The following SUGCT variants were observed in gnomAD, a reference collection of about 807,000 sequenced individuals.
The protein encoded by SUGCT is succinyl-CoA:glutarate-CoA transferase, also known as succinyl-CoA:glutarate CoA-transferase.
Under a neutral mutation model 55.0 loss-of-function variants are expected in SUGCT, and 41 were observed. The observed-to-expected ratio is 0.74, with a 90% CI of 0.58 to 0.97. The LOEUF is 0.97. Among genes scored for constraint, SUGCT ranks in the 50% least tolerant of loss-of-function variants. The probability of loss-of-function intolerance (pLI) is 0.00; values close to 1 mark genes in which losing one functional copy is unlikely to be tolerated. For synonymous variants in SUGCT, 187 were observed against 200.4 expected (o/e 0.93, Z 0.56); for missense variants, 568 against 547.8 (o/e 1.04, Z -0.37).
chr7:40,332,961 C>T (rs1415155952), intron 9 of SUGCT, among the ~76,000 whole-genome samples: 2 of 152,174 alleles, frequency 1.3e-5, no homozygotes, highest in South Asian at 4.2e-4. Flanking sequence ...ATCATCCATC[C>T]ATCTAGACAG....
At chr7:40,650,993 A>G (rs959961743) in intron 12 of SUGCT, among the ~76,000 whole-genome samples, 2 of 152,120 alleles carry the variant, frequency 1.3e-5, no homozygotes, top group African/African-American at 4.8e-5. Context: ...ATCCTGCATT[A>G]GTTTGCTGAG....
At chr7:40,882,934 G>A in the SUGCT span, among the ~76,000 whole-genome samples, 20 of 152,138 alleles carry the variant, frequency 1.3e-4, no homozygotes, top group African/African-American at 4.1e-4. Context: ...CTGTTCCTTC[G>A]TTTAGCTTTG....
chr7:40,394,176 TA>T (rs1003055192), intron 9 of SUGCT, among the ~76,000 whole-genome samples: 2 of 151,414 alleles, frequency 1.3e-5, no homozygotes, highest in Non-Finnish European at 2.9e-5. Context: ...TTGTCGAACT[TA>T]AAAAAAAATA....
intron 1 of SUGCT, among the ~76,000 whole-genome samples, chr7:40,135,847 G>A (rs1350286000): frequency 2.0e-5 from 3 of 152,098 alleles, no homozygotes; most frequent in Admixed American, 6.6e-5. Context: ...AGTAGAGACG[G>A]GGTTTCGCCA....
chr7:40,487,449 G>T (rs1457768265), intron 11 of SUGCT, among the ~76,000 whole-genome samples: 2 of 151,484 alleles, frequency 1.3e-5, no homozygotes, highest in African/African-American at 4.9e-5. Context: ...GCTAATATAT[G>T]ATCTGTCCTG....
intron 8 of SUGCT, among the ~76,000 whole-genome samples, chr7:40,289,985 A>G (rs1793634341): frequency 6.6e-6 from 1 of 152,156 alleles, no homozygotes; most frequent in South Asian, 2.1e-4. Context: ...ACTACAAACC[A>G]CTGCTCAATG....
chr7:40,346,045 A>G (rs1797288102), intron 9 of SUGCT, among the ~76,000 whole-genome samples: 1 of 151,702 alleles, frequency 6.6e-6, no homozygotes, highest in African/African-American at 2.4e-5. Context: ...TCTGGTTTTC[A>G]TGTTAGTTTA....
At chr7:40,564,344 C>T (rs951408750) in intron 12 of SUGCT, among the ~76,000 whole-genome samples, 2 of 152,278 alleles carry the variant, frequency 1.3e-5, no homozygotes, top group Middle Eastern at 3.4e-3. Context: ...CCACTGCACT[C>T]CAGCCTGGGC....
At chr7:40,831,712 A>G (rs1792674676) in intron 13 of SUGCT, among the ~76,000 whole-genome samples, 1 of 152,236 alleles carries the variant, frequency 6.6e-6, no homozygotes, top group African/African-American at 2.4e-5. Flanking sequence ...GACTGTGAAC[A>G]CTAAGAACAC....
At chr7:40,479,906 A>G (rs1484385484) in intron 11 of SUGCT, among the ~76,000 whole-genome samples, 1 of 152,062 alleles carries the variant, frequency 6.6e-6, no homozygotes, top group Non-Finnish European at 1.5e-5. Flanking sequence ...AGTTCCTTAT[A>G]TATTTTGGAA....
chr7:40,879,649 C>A, the SUGCT span, among the ~76,000 whole-genome samples: 1 of 152,142 alleles, frequency 6.6e-6, no homozygotes, highest in Non-Finnish European at 1.5e-5. Flanking sequence ...CTTCATTTTG[C>A]ATATTTTTTT....
intron 10 of SUGCT, among the ~76,000 whole-genome samples, chr7:40,451,958 T>A (rs1789216165): frequency 6.6e-6 from 1 of 152,232 alleles, no homozygotes; most frequent in African/African-American, 2.4e-5. Flanking sequence ...TTTCGTCAAG[T>A]ACACTCCATC....
chr7:40,355,593 A>C (rs1797847899), intron 9 of SUGCT, among the ~76,000 whole-genome samples: 1 of 152,240 alleles, frequency 6.6e-6, no homozygotes, highest in Non-Finnish European at 1.5e-5. Flanking sequence ...ATATTTATGC[A>C]ATAAGAGAGG....
chr7:41,016,744 G>T, the SUGCT span, among the ~76,000 whole-genome samples: 1 of 152,032 alleles, frequency 6.6e-6, no homozygotes, highest in Non-Finnish European at 1.5e-5. Flanking sequence ...TCATTTCATT[G>T]TTCTCCTCCA....
chr7:40,202,290 A>T (rs1786655982), intron 6 of SUGCT, among the ~76,000 whole-genome samples: 1 of 152,142 alleles, frequency 6.6e-6, no homozygotes, highest in Non-Finnish European at 1.5e-5. Flanking sequence ...CGTTTAAAGT[A>T]TTAAAATGTT....
At chr7:40,958,269 T>G in the SUGCT span, among the ~76,000 whole-genome samples, 1 of 152,136 alleles carries the variant, frequency 6.6e-6, no homozygotes, top group Admixed American at 6.6e-5. Flanking sequence ...CCAGCTTAGT[T>G]TCATTCTCCC....
At chr7:40,329,485 T>G (rs1796193417) in intron 9 of SUGCT, among the ~76,000 whole-genome samples, 1 of 152,138 alleles carries the variant, frequency 6.6e-6, no homozygotes, top group African/African-American at 2.4e-5. Flanking sequence ...ATTATATTAA[T>G]AATTCATTTG....
intron 7 of SUGCT, among the ~76,000 whole-genome samples, chr7:40,270,073 T>C (rs1433420881): frequency 3.3e-5 from 5 of 150,144 alleles, no homozygotes; most frequent in Non-Finnish European, 7.4e-5. Flanking sequence ...GAGGTGGAGG[T>C]TGCAGTGAGC....
intron 12 of SUGCT, among the ~76,000 whole-genome samples, chr7:40,514,348 A>G (rs56026717): frequency 0.018 from 2,735 of 152,224 alleles, 86 homozygotes; most frequent in African/African-American, 0.061. Context: ...GCTAAGCACC[A>G]GGGGAAAAGA....
Sources: gnomAD v4.1 joint callset for allele counts (sites outside exome capture counted in the v4.1 genomes callset) on GRCh38, gnomAD v4.1.1 for gene constraint, MANE v1.5 for transcripts, NCBI Gene and HGNC (gene_info 2026-07-23, HGNC 2026-07-21) for gene names.